TMEM120B: variants seen among roughly 807,000 people sequenced by gnomAD.
The protein encoded by TMEM120B is transmembrane protein 120B.
In TMEM120B, 31 loss-of-function variants were observed where a neutral mutation model predicts 55.5. The ratio of observed to expected loss-of-function variants is 0.56; its 90% confidence interval spans 0.42 to 0.75. The LOEUF (loss-of-function observed/expected upper bound fraction) is 0.75. TMEM120B is among the 30% of genes least tolerant of loss of function. The pLI, the probability that TMEM120B is intolerant of heterozygous loss-of-function variation, is 0.00. For missense variants in TMEM120B, 399 were observed against 425.5 expected, an observed-to-expected ratio of 0.94 and a Z score of 0.55; for synonymous variants, 203 against 176.3, an observed-to-expected ratio of 1.15 and a Z score of -1.20.
At chr12:121,772,075 TTCTTTCTCTTTCTC>T (rs1047225245) in intron 8 of TMEM120B, among the ~76,000 whole-genome samples, 3 of 143,406 alleles carry the variant, frequency 2.1e-5, no homozygotes, top group Non-Finnish European at 3.0e-5. Context: ...TTCTTTTTCT[TTCTTTCTCTTTCTC>T]TCTCTCTCTC....
chr12:121,713,153 T>A (rs1402472752), intron 1 of TMEM120B, among the ~76,000 whole-genome samples, 189 bp downstream of exon 1: 3 of 151,796 alleles, frequency 2.0e-5, no homozygotes, highest in African/African-American at 7.3e-5. Flanking sequence ...TTCGTCCACG[T>A]GGGGCGCCGG....
At chr12:121,771,047 G>A in intron 7 of TMEM120B, 75 bp downstream of exon 7, 1 of 1,503,742 alleles carries the variant, frequency 6.7e-7, no homozygotes, top group Non-Finnish European at 9.2e-7. Flanking sequence ...GGAGGGGGCT[G>A]ATCCAGACAG....
chr12:121,745,341 G>A (rs1471821906), intron 2 of TMEM120B, among the ~76,000 whole-genome samples: 7 of 152,148 alleles, frequency 4.6e-5, no homozygotes, highest in African/African-American at 1.7e-4. Context: ...CTGTCTCTTG[G>A]TCATCTGTAG....
chr12:121,737,175 G>C (rs1364782097), intron 1 of TMEM120B, among the ~76,000 whole-genome samples: 3 of 152,126 alleles, frequency 2.0e-5, no homozygotes, highest in Non-Finnish European at 4.4e-5. Flanking sequence ...GCCTCTCTAT[G>C]TGAGGCATAA....
chr12:121,737,883 G>C (rs546869592), intron 1 of TMEM120B, among the ~76,000 whole-genome samples: 1 of 151,672 alleles, frequency 6.6e-6, no homozygotes, highest in Admixed American at 6.6e-5. Flanking sequence ...GGTGGTGCAC[G>C]CCTGTAGTCC....
rs891842581 is a variant in TMEM120B, at chr12:121,776,010, C to A, written c.*288C>A. 3 of 592,192 alleles carry A rather than the reference C, an allele frequency of 5.1e-6. No homozygotes were observed. The highest frequency in any genetic ancestry group is 3.6e-4 in the Middle Eastern group (1 of 2,782). 36.7% of individuals were successfully genotyped at this position (592,192 alleles called of 1,614,324 possible). A position where few individuals can be genotyped will look rare whatever the true frequency, so the allele number is the denominator to read the frequency against. ...CGGGCCAGTCTTCCTGGGGATGGGG[C>A]CTGAAGCCTCAGGGAGCCCCTCTGT... On this transcript the variant is annotated 3_prime_UTR_variant, in exon 12 of 12. Transcript: ENST00000449592.
At chr12:121,761,992 C>T (rs1393740294) in intron 6 of TMEM120B, among the ~76,000 whole-genome samples, 1 of 152,080 alleles carries the variant, frequency 6.6e-6, no homozygotes, top group Non-Finnish European at 1.5e-5. Flanking sequence ...AACATATTTT[C>T]TCATAAAAAG....
At chr12:121,733,596 A>G (rs982810175) in intron 1 of TMEM120B, among the ~76,000 whole-genome samples, 21 of 147,064 alleles carry the variant, frequency 1.4e-4, no homozygotes, top group Admixed American at 1.2e-3. Flanking sequence ...CCGGAGTGCA[A>G]TGGTGTGACC....
chr12:121,728,696 A>C (rs1461913427), intron 1 of TMEM120B, among the ~76,000 whole-genome samples: 2 of 152,132 alleles, frequency 1.3e-5, no homozygotes, highest in African/African-American at 4.8e-5. Flanking sequence ...GTGTTTACTT[A>C]TGTAATTAGG....
At chr12:121,723,418 GCAGGGAGCTGTTA>G (rs1207846670) in intron 1 of TMEM120B, among the ~76,000 whole-genome samples, 1 of 152,160 alleles carries the variant, frequency 6.6e-6, no homozygotes, top group African/African-American at 2.4e-5. Context: ...GCTGGCCACA[GCAGGGAGCTGTTA>G]CTAGTCCTGA....
intron 2 of TMEM120B, among the ~76,000 whole-genome samples, chr12:121,746,190 C>CTT (rs71079090): frequency 3.3e-5 from 4 of 121,638 alleles, no homozygotes; most frequent in Non-Finnish European, 3.5e-5. Flanking sequence ...CGCCCCCCCA[C>CTT]TTTTTTTTTT....
At chr12:121,774,633 CCT>C in intron 9 of TMEM120B, 23 bp from the exon 10 acceptor site, 1 of 1,612,290 alleles carries the variant, frequency 6.2e-7, no homozygotes, top group Non-Finnish European at 8.5e-7. Context: ...CTCAGCGGGT[CCT>C]TTTTCTTCCC....
At chr12:121,774,448 AAGAG>A (rs781568862) in intron 9 of TMEM120B, among the ~76,000 whole-genome samples, 2 of 152,182 alleles carry the variant, frequency 1.3e-5, no homozygotes, top group Non-Finnish European at 2.9e-5. Flanking sequence ...TGGTGGCTTG[AAGAG>A]AGAGAGCAGT....
intron 1 of TMEM120B, among the ~76,000 whole-genome samples, chr12:121,735,114 A>G (rs1323052799): frequency 6.9e-6 from 1 of 145,530 alleles, no homozygotes; most frequent in Admixed American, 7.0e-5. Flanking sequence ...TGAACCCAGG[A>G]GGCAGAGGTT....
chr12:121,777,726 C>G lies in TMEM120B; in HGVS notation c.*2004C>G, dbSNP rs898813029. The G allele has an allele frequency of 1.3e-5, 2 of 152,238 alleles. No individual in the cohort carries two copies. Among genetic ancestry groups the G allele is most frequent in the African/African-American group, 4.8e-5 (2 of 41,454 alleles). 9.4% of individuals were successfully genotyped at this position (152,238 alleles called of 1,614,324 possible). A position where few individuals can be genotyped will look rare whatever the true frequency, so the allele number is the denominator to read the frequency against. On this transcript the variant is annotated 3_prime_UTR_variant, in exon 12 of 12. Transcript: ENST00000449592. ...CTACTCTTCACCTGCAGCCCCAGAG[C>G]ACAAGGCAATGCAGAAAGGAATGGG...
intron 5 of TMEM120B, among the ~76,000 whole-genome samples, chr12:121,755,970 T>G (rs1873465297): frequency 6.7e-6 from 1 of 150,294 alleles, no homozygotes; most frequent in African/African-American, 2.5e-5. Flanking sequence ...CGGGTTCTGG[T>G]AGTTGGAAGT....
intron 1 of TMEM120B, among the ~76,000 whole-genome samples, chr12:121,719,199 G>A (rs1894751694): frequency 6.6e-6 from 1 of 151,994 alleles, no homozygotes; most frequent in Admixed American, 6.6e-5. Context: ...GAAACGAGTT[G>A]GGGAGGGATG....
chr12:121,773,844 G>A (rs1015567749), intron 9 of TMEM120B, among the ~76,000 whole-genome samples: 1 of 151,924 alleles, frequency 6.6e-6, no homozygotes, highest in African/African-American at 2.4e-5. Context: ...GCATGTACAC[G>A]GGGGAGACAT....
Position 121,773,428 on chromosome 12 carries a change from C to T in TMEM120B, c.687C>T (p.Val229=). Residue 229 remains valine, a synonymous_variant, in exon 9 of 12, where the codon GTC becomes GTT. Coordinates refer to ENST00000449592, the MANE Select transcript of TMEM120B (RefSeq NM_001080825.2). ...FLAFSIFQSC[V]QFLQYYYQRG... Reference sequence around the variant, plus strand: ...GCTGTGCTCCCCCTGCAGGCTGCGTCCAGTTCCTGCAATATTATTACCAGA... The same window carrying T: ...GCTGTGCTCCCCCTGCAGGCTGCGTTCAGTTCCTGCAATATTATTACCAGA... 6.2e-7 allele frequency: 1 copy of T among 1,611,040 alleles called. No individual in the cohort carries two copies. Among genetic ancestry groups the T allele is most frequent in the Non-Finnish European group, 8.5e-7 (1 of 1,178,624 alleles).
Sources: gnomAD v4.1 joint callset for allele counts (sites outside exome capture counted in the v4.1 genomes callset) on GRCh38, gnomAD v4.1.1 for gene constraint, MANE v1.5 for transcripts, NCBI Gene and HGNC (gene_info 2026-07-23, HGNC 2026-07-21) for gene names.